TRA2B: variants seen among roughly 807,000 people sequenced by gnomAD.
The protein encoded by TRA2B is transformer-2 protein homolog beta.
In TRA2B, 14 loss-of-function variants were observed where a neutral mutation model predicts 41.7. That is an observed-to-expected ratio of 0.34 (90% CI 0.22 to 0.53). TRA2B has a LOEUF of 0.53. TRA2B is among the 20% of genes least tolerant of loss of function. The pLI is 0.95. For missense variants in TRA2B, 167 were observed against 396.8 expected (o/e 0.42, Z 4.92); for synonymous variants, 130 against 128.8 (o/e 1.01, Z -0.06).
At chr3:185,931,287 T>C (rs1451334810) in intron 1 of TRA2B, among the ~76,000 whole-genome samples, 5 of 152,204 alleles carry the variant, frequency 3.3e-5, no homozygotes, top group African/African-American at 1.2e-4. Flanking sequence ...TATTCGCTCA[T>C]GCCCCAGGAC....
chr3:185,931,784 G>T, intron 1 of TRA2B: 1 of 1,498,680 alleles, frequency 6.7e-7, no homozygotes, highest in South Asian at 1.3e-5. Context: ...ACTTATTCCT[G>T]AGCTTCAAAT....
At chr3:185,933,683 G>A (rs1402703148) in intron 1 of TRA2B, among the ~76,000 whole-genome samples, 1 of 152,076 alleles carries the variant, frequency 6.6e-6, no homozygotes, top group Non-Finnish European at 1.5e-5. Context: ...CTGTCTACCA[G>A]AAGAGTAAAT....
chr3:185,933,765 T>C (rs2113430), intron 1 of TRA2B, among the ~76,000 whole-genome samples: 94,081 of 151,638 alleles, frequency 0.62, 29,800 homozygotes, highest in African/African-American at 0.75. Context: ...GTTGTAGGCC[T>C]GTGCTTATAA....
rs1157271988 is a variant in TRA2B at position 185,916,801 on chromosome 3, G to C, written c.*914C>G. 6.6e-6 allele frequency: 1 copy of C among 152,584 alleles called. No homozygotes were observed. Among genetic ancestry groups the C allele is most frequent in the Non-Finnish European group, 1.5e-5 (1 of 68,034 alleles). The allele number at this position is 152,584 out of a possible 1,614,324, so 9.5% of individuals were successfully genotyped here. ...GTTCTCAAAACATTTGAGTGAAATT[G>C]GGCCTCCTTTGGTAAGCAAAGGACC... On this transcript the variant is annotated 3_prime_UTR_variant, in exon 9 of 9. Transcript: ENST00000453386.
Position 185,937,942 on chromosome 3 carries a change from C to T in TRA2B, c.-82G>A. Reference sequence around the variant, plus strand: ...CACCTTCCTTAAGGAGGCTCCGCCGCAGCCCCGCACGACGCGCCGGTCGCC... The same window carrying T: ...CACCTTCCTTAAGGAGGCTCCGCCGTAGCCCCGCACGACGCGCCGGTCGCC... On this transcript the variant is annotated 5_prime_UTR_variant, in exon 1 of 9. Transcript: ENST00000453386. The T allele has an allele frequency of 6.4e-7, 1 of 1,555,246 alleles. No individual in the cohort carries two copies. Among genetic ancestry groups the T allele is most frequent in the Non-Finnish European group, 8.8e-7 (1 of 1,138,116 alleles).
rs187130743 is a variant in TRA2B, at chr3:185,932,519, T to C, written c.36+5306A>G. On this transcript the variant is annotated intron_variant, in intron 1 of 8. Transcript: ENST00000453386. ...ACCACCTACAATATGCCAGTAGCTA[T>C]GAAGGAAAGCAGAACAAACTTGAAT... is the stretch of plus-strand genomic sequence containing the variant. 6.6e-5 allele frequency among the ~76,000 whole-genome samples: 10 copies of C among 152,302 alleles called. No homozygotes were observed. In the East Asian group the frequency reaches 1.5e-3, roughly 24 times the overall value.
intron 4 of TRA2B, 49 bp downstream of exon 4, chr3:185,923,747 G>A: frequency 6.7e-7 from 1 of 1,503,460 alleles, no homozygotes; most frequent in Non-Finnish European, 8.9e-7. Context: ...TGATAACTTG[G>A]CGTTAACAAT....
intron 1 of TRA2B, among the ~76,000 whole-genome samples, chr3:185,932,787 C>T (rs913152824): frequency 6.6e-6 from 1 of 152,110 alleles, no homozygotes; most frequent in Non-Finnish European, 1.5e-5. Context: ...TGTTATCCTA[C>T]ATTTCACTTT....
intron 1 of TRA2B, chr3:185,936,023 C>G: frequency 1.0e-6 from 1 of 985,368 alleles, no homozygotes; most frequent in Non-Finnish European, 1.2e-6. Flanking sequence ...TTCTCTTGAG[C>G]CGAGTCTCAA....
In TRA2B at chr3:185,934,480, G is replaced by A. The variant is rs530382515; in HGVS notation, c.36+3345C>T. 6 of 985,376 alleles carry A rather than the reference G, an allele frequency of 6.1e-6. No individual in the cohort carries two copies. In the African/African-American group the frequency reaches 8.7e-5, roughly 14 times the overall value. The allele number at this position is 985,376 out of a possible 1,614,324, so 61.0% of individuals were successfully genotyped here. On this transcript the variant is annotated intron_variant, in intron 1 of 8. Coordinates refer to ENST00000453386, the MANE Select transcript of TRA2B (RefSeq NM_004593.3). ...TTGAAAATGTCACGTTCTAGTTCCAGACAATATCCACAATATTAAAGCATT... is the reference window on the plus strand; with the variant it reads ...TTGAAAATGTCACGTTCTAGTTCCAAACAATATCCACAATATTAAAGCATT...
At chr3:185,929,683 CAT>C (rs1398100233) in intron 1 of TRA2B, among the ~76,000 whole-genome samples, 6 of 152,176 alleles carry the variant, frequency 3.9e-5, no homozygotes, top group Non-Finnish European at 8.8e-5. Context: ...CTTACAAAAA[CAT>C]ATTTGAAAGG....
chr3:185,935,881 C>T, intron 1 of TRA2B: 1 of 985,056 alleles, frequency 1.0e-6, no homozygotes, highest in South Asian at 4.7e-5. Context: ...GGCCAGAAAG[C>T]GAAGACTCTT....
intron 5 of TRA2B, 85 bp from the exon 6 acceptor site, chr3:185,921,272 A>G: frequency 8.9e-7 from 1 of 1,124,332 alleles, no homozygotes; most frequent in East Asian, 2.4e-5. Flanking sequence ...TTTCTGACAC[A>G]TTAACTGGAA....
chr3:185,919,478 T>TCCTCCTCCA lies in TRA2B; in HGVS notation c.732_740dup (p.Gly247_Gly249dup). 3 of 1,613,390 alleles carry TCCTCCTCCA rather than the reference T, an allele frequency of 1.9e-6. No homozygotes were observed. In the South Asian group the frequency reaches 3.3e-5, roughly 18 times the overall value. ...TGTCTTGGGCAGCTCTCCATCCTCC[T>TCCTCCTCCA]CCTCCTCCACCTCCTCCTCTGTGAA... On this transcript the variant is annotated inframe_insertion, in exon 7 of 9. Coordinates refer to ENST00000453386, the MANE Select transcript of TRA2B (RefSeq NM_004593.3).
At chr3:185,920,206 C>A (rs1246869611) in intron 6 of TRA2B, among the ~76,000 whole-genome samples, 5 of 152,202 alleles carry the variant, frequency 3.3e-5, no homozygotes, top group Non-Finnish European at 5.9e-5. Context: ...TCTTTCAAGG[C>A]ATCCATTTTA....
In TRA2B at chr3:185,917,577, A is replaced by C; in HGVS notation, c.*138T>G. The stretch of plus-strand genomic sequence containing the variant: ...ATGAAAACAGCATTTCAACTCCACC[A>C]AAAGTAGTCATCGTAAAAGGTGTAA... On this transcript the variant is annotated 3_prime_UTR_variant, in exon 9 of 9. Transcript: ENST00000453386. 1.3e-6 allele frequency: 1 copy of C among 778,438 alleles called. No homozygotes were observed. Among genetic ancestry groups the C allele is most frequent in the Non-Finnish European group, 2.1e-6 (1 of 487,074 alleles). The allele number at this position is 778,438 out of a possible 1,614,324, so 48.2% of individuals were successfully genotyped here.
intron 7 of TRA2B, among the ~76,000 whole-genome samples, chr3:185,918,993 T>C (rs1461520874): frequency 3.3e-5 from 5 of 152,080 alleles, no homozygotes; most frequent in African/African-American, 9.7e-5. Flanking sequence ...AAAATAAAAA[T>C]GAGAAAATTC....
chr3:185,934,721 G>A, intron 1 of TRA2B: 2 of 984,982 alleles, frequency 2.0e-6, no homozygotes, highest in South Asian at 4.7e-5. Flanking sequence ...CTAAAACCAA[G>A]GAATATAAAA....
chr3:185,920,615 T>C (rs1232108052), intron 6 of TRA2B, among the ~76,000 whole-genome samples: 1 of 152,042 alleles, frequency 6.6e-6, no homozygotes, highest in Non-Finnish European at 1.5e-5. Context: ...AGTGCAGTGG[T>C]GCAATCTAAA....
Sources: allele counts gnomAD v4.1 joint callset (sites outside exome capture counted in the v4.1 genomes callset), GRCh38; gene constraint gnomAD v4.1.1; transcripts MANE v1.5; gene names NCBI Gene and HGNC (gene_info 2026-07-23, HGNC 2026-07-21).